The following SNW1 variants were observed in gnomAD, a reference collection of about 807,000 sequenced individuals.
SNW1 encodes SNW domain-containing protein 1.
Under a neutral mutation model 75.6 loss-of-function variants are expected in SNW1, and 9 were observed. The ratio of observed to expected loss-of-function variants is 0.12; its 90% CI spans 0.07 to 0.21. The LOEUF (loss-of-function observed/expected upper bound fraction) is 0.21, where lower values mean the gene tolerates loss of function less well. Ranked by LOEUF, SNW1 falls within the 10% of genes least tolerant of loss-of-function variation. The pLI is 1.00. For missense variants in SNW1, 409 were observed against 670.9 expected (o/e 0.61, Z 4.31); for synonymous variants, 200 against 219.1 (o/e 0.91, Z 0.77).
intron 2 of SNW1, among the ~76,000 whole-genome samples, chr14:77,751,837 CA>C (rs201207290): frequency 0.014 from 1,546 of 111,860 alleles, 24 homozygotes; most frequent in African/African-American, 0.042. Flanking sequence ...CACACACACA[CA>C]CACACACCAC....
At chr14:77,760,609 T>C in intron 1 of SNW1, 2 of 701,896 alleles carry the variant, frequency 2.8e-6, no homozygotes, top group South Asian at 3.0e-5. Context: ...GTCACTACTG[T>C]GGCTCATTTA....
chr14:77,753,565 T>C (rs1440738676), intron 2 of SNW1, among the ~76,000 whole-genome samples: 1 of 152,102 alleles, frequency 6.6e-6, no homozygotes, highest in African/African-American at 2.4e-5. Flanking sequence ...AGAGGAAAGC[T>C]GACAAAAAAG....
Position 77,757,954 on chromosome 14 carries a change from C to T in SNW1, c.15-2834G>A, listed in dbSNP as rs4343195. 9.0e-3 allele frequency among the ~76,000 whole-genome samples: 938 copies of T among 104,508 alleles called. 15 individuals carry two copies. Among genetic ancestry groups the T allele is most frequent in the African/African-American group, 0.031 (863 of 27,558 alleles). The allele number at this position is 104,508 out of a possible 152,430, so 68.6% of individuals were successfully genotyped here. On this transcript the variant is annotated intron_variant, in intron 1 of 13. Coordinates refer to ENST00000261531, the MANE Select transcript of SNW1 (RefSeq NM_012245.3). The stretch of plus-strand genomic sequence containing the variant: ...TCTATCTATCTATCTATCTATCTAT[C>T]GCAATCAATCAATCACAATTTTTCT...
intron 12 of SNW1, among the ~76,000 whole-genome samples, chr14:77,719,918 TAC>T (rs978903340): frequency 6.6e-6 from 1 of 152,258 alleles, no homozygotes; most frequent in African/African-American, 2.4e-5. Context: ...CAGTAGAACT[TAC>T]ACTTCTGTAT....
intron 9 of SNW1, among the ~76,000 whole-genome samples, chr14:77,731,622 T>C (rs1343079034): frequency 2.0e-5 from 3 of 152,254 alleles, no homozygotes; most frequent in African/African-American, 7.2e-5. Flanking sequence ...TTACATCTGC[T>C]AGATAATTTT....
intron 1 of SNW1, among the ~76,000 whole-genome samples, chr14:77,756,615 G>A (rs1354577274): frequency 6.6e-6 from 1 of 152,218 alleles, no homozygotes; most frequent in African/African-American, 2.4e-5. Flanking sequence ...CAGCCATGGT[G>A]GCTCACACCT....
At chr14:77,727,801 G>A (rs1431340665) in intron 10 of SNW1, among the ~76,000 whole-genome samples, 1 of 152,130 alleles carries the variant, frequency 6.6e-6, no homozygotes, top group African/African-American at 2.4e-5. Flanking sequence ...TTAGAATTTT[G>A]TTAAGGATTT....
At position 77,755,124 on chromosome 14, in the gene SNW1, T is replaced by C; in HGVS notation, c.15-4A>G. Reference sequence around the variant, plus strand: ...CTGAGTAGGTGCAGGTAAAAAGCTATAAGCAAAGATAATAAAAGTCAGAAA... The same window carrying C: ...CTGAGTAGGTGCAGGTAAAAAGCTACAAGCAAAGATAATAAAAGTCAGAAA... On this transcript the variant is annotated splice_polypyrimidine_tract_variant and splice_region_variant and intron_variant, in intron 1 of 13. Coordinates refer to ENST00000261531, the MANE Select transcript of SNW1 (RefSeq NM_012245.3). The C allele has an allele frequency of 6.2e-7, 1 of 1,608,556 alleles. No individual in the cohort carries two copies. The highest frequency in any genetic ancestry group is 8.5e-7 in the Non-Finnish European group (1 of 1,178,858).
intron 3 of SNW1, among the ~76,000 whole-genome samples, chr14:77,742,093 G>A (rs574800945): frequency 1.4e-4 from 21 of 151,716 alleles, no homozygotes; most frequent in Admixed American, 1.2e-3. Context: ...GTGCAATGGC[G>A]TGATCTCAGC....
intron 1 of SNW1, among the ~76,000 whole-genome samples, chr14:77,759,392 G>A (rs2080867744): frequency 6.6e-6 from 1 of 152,096 alleles, no homozygotes; most frequent in African/African-American, 2.4e-5. Context: ...AGCGTCTAGA[G>A]TCCCAGCTAC....
In SNW1 at chr14:77,751,387, T is replaced by A. The variant is rs11548269; in HGVS notation, c.262A>T (p.Ile88Phe). Residue 88 changes from isoleucine (I) to phenylalanine (F), a missense_variant, in exon 3 of 14, where the codon ATT becomes TTT. Coordinates refer to ENST00000261531, the MANE Select transcript of SNW1 (RefSeq NM_012245.3). Reference protein sequence around the residue: ...RKKKMSNALAIQVDSEGKIKY... With the variant: ...RKKKMSNALAFQVDSEGKIKY... ...ATTTTTCCTTCAGAATCCACCTGAA[T>A]GGCCAGCGCATTCGACATTTTTTTC... 1.2e-6 allele frequency: 2 copies of A among 1,613,932 alleles called. No individual in the cohort carries two copies. The highest frequency in any genetic ancestry group is 3.3e-5 in the Admixed American group (2 of 59,982).
intron 3 of SNW1, among the ~76,000 whole-genome samples, chr14:77,749,293 G>A (rs1393315246): frequency 6.6e-6 from 1 of 152,158 alleles, no homozygotes; most frequent in Admixed American, 6.5e-5. Flanking sequence ...AGAGACTTTT[G>A]CCAGAGAGCA....
At chr14:77,721,090 T>C (rs1309285449) in intron 11 of SNW1, 1 of 428,600 alleles carries the variant, frequency 2.3e-6, no homozygotes, top group Admixed American at 4.1e-5. Context: ...TTCTTTAATA[T>C]AAGCAATCAC....
intron 1 of SNW1, 120 bp from the exon 2 acceptor site, chr14:77,755,240 A>G (rs1566837428): frequency 1.2e-6 from 1 of 839,788 alleles, no homozygotes; most frequent in Non-Finnish European, 1.9e-6. Flanking sequence ...GAAAAAGAGC[A>G]GATTTTTCAA....
chr14:77,743,666 T>A (rs918579642), intron 3 of SNW1, among the ~76,000 whole-genome samples: 1 of 152,184 alleles, frequency 6.6e-6, no homozygotes, highest in African/African-American at 2.4e-5. Flanking sequence ...TCAGTGATTG[T>A]CAAACAGGGC....
chr14:77,760,526 G>C, intron 1 of SNW1: 1 of 631,466 alleles, frequency 1.6e-6, no homozygotes, highest in South Asian at 1.8e-5. Flanking sequence ...AAACTGAGGT[G>C]GTTCTATCTA....
Position 77,751,195 on chromosome 14 carries a change from G to C in SNW1, c.330+124C>G, listed in dbSNP as rs572068386. Reference sequence around the variant, plus strand: ...CCCAAGTAGCTGGGAATATAGGTACGAGCCACCATGCCCAGCCACTGCTAC... The same window carrying C: ...CCCAAGTAGCTGGGAATATAGGTACCAGCCACCATGCCCAGCCACTGCTAC... On this transcript the variant is annotated intron_variant, in intron 3 of 13. Transcript: ENST00000261531. The C allele has an allele frequency of 1.0e-5, 10 of 962,506 alleles. No individual in the cohort carries two copies. The South Asian group carries it at 1.7e-4, about 16-fold the overall frequency. 59.6% of individuals were successfully genotyped at this position (962,506 alleles called of 1,614,324 possible).
Position 77,740,925 on chromosome 14 carries a change from C to T in SNW1, c.331-1864G>A, listed in dbSNP as rs1265370326. Reference sequence around the variant, plus strand: ...CAGCCTGACCAACATGGTGAAACCCCGTCTCTCCCAAAAACAGAAAAATTA... The same window carrying T: ...CAGCCTGACCAACATGGTGAAACCCTGTCTCTCCCAAAAACAGAAAAATTA... On this transcript the variant is annotated intron_variant, in intron 3 of 13. Coordinates refer to ENST00000261531, the MANE Select transcript of SNW1 (RefSeq NM_012245.3). Among the ~76,000 whole-genome samples the T allele has an allele frequency of 2.6e-5, 4 of 151,568 alleles. 1 individual carries two copies. In the South Asian group the frequency reaches 6.3e-4, roughly 24 times the overall value.
intron 6 of SNW1, 21 bp from the exon 7 acceptor site, chr14:77,736,027 C>G (rs2080668355): frequency 6.4e-7 from 1 of 1,573,784 alleles, no homozygotes; most frequent in Non-Finnish European, 8.7e-7. Context: ...AAAACACAAC[C>G]AGAGAGTGAT....
Sources: gnomAD v4.1 joint callset for allele counts (sites outside exome capture counted in the v4.1 genomes callset) on GRCh38, gnomAD v4.1.1 for gene constraint, MANE v1.5 for transcripts, NCBI Gene and HGNC (gene_info 2026-07-23, HGNC 2026-07-21) for gene names.